The following BFSP1 variants were observed in gnomAD, a reference collection of about 807,000 sequenced individuals.
BFSP1 encodes the protein filensin.
Under a neutral mutation model 43.9 loss-of-function variants are expected in BFSP1, and 38 were observed. The observed-to-expected ratio is 0.87, with a 90% CI of 0.67 to 1.14. The LOEUF is 1.14. Ranked by LOEUF, BFSP1 falls within the 50% of genes most tolerant of loss-of-function variation. The pLI, the probability that BFSP1 is intolerant of heterozygous loss-of-function variation, is 0.00. For missense variants in BFSP1, 850 were observed against 875.1 expected (o/e 0.97, Z 0.36); for synonymous variants, 352 against 354.8 (o/e 0.99, Z 0.09).
At chr20:17,498,551 T>C (rs2033711330) in intron 6 of BFSP1, among the ~76,000 whole-genome samples, 1 of 152,206 alleles carries the variant, frequency 6.6e-6, no homozygotes, top group South Asian at 2.1e-4. Flanking sequence ...TGAGGCCTTT[T>C]CTGACCACCC....
chr20:17,552,209 G>C (rs1255158357), intron 1 of BFSP1, among the ~76,000 whole-genome samples: 2 of 152,192 alleles, frequency 1.3e-5, no homozygotes, highest in African/African-American at 4.8e-5. Flanking sequence ...CACTGAGGAG[G>C]TTACATCTGA....
At chr20:17,550,525 C>T (rs979561529) in intron 1 of BFSP1, among the ~76,000 whole-genome samples, 2 of 145,458 alleles carry the variant, frequency 1.4e-5, no homozygotes, top group Non-Finnish European at 3.0e-5. Context: ...AGGGCAATGG[C>T]GTGATCTCAG....
intron 1 of BFSP1, chr20:17,565,595 T>C (rs2035109709): frequency 6.6e-6 from 1 of 152,178 alleles, no homozygotes; most frequent in Non-Finnish European, 1.5e-5. Flanking sequence ...ATAACCAACA[T>C]AAAACCATTA....
intron 1 of BFSP1, among the ~76,000 whole-genome samples, chr20:17,553,796 C>T (rs2023356): frequency 0.76 from 61,878 of 81,404 alleles, 21,454 homozygotes; most frequent in Non-Finnish European, 0.8. Flanking sequence ...TATATATATA[C>T]ACACACACAC....
intron 5 of BFSP1, among the ~76,000 whole-genome samples, chr20:17,502,275 C>T (rs1264006636): frequency 1.3e-5 from 2 of 152,172 alleles, no homozygotes; most frequent in Non-Finnish European, 2.9e-5. Context: ...GACACAGCCA[C>T]ATAACGAAAT....
At chr20:17,503,791 C>T (rs2033863186) in intron 5 of BFSP1, among the ~76,000 whole-genome samples, 1 of 152,230 alleles carries the variant, frequency 6.6e-6, no homozygotes. Context: ...CATTCCCACA[C>T]AGCAACAGGC....
upstream of BFSP1, among the ~76,000 whole-genome samples, chr20:17,533,719 G>GGA (rs2034585536): frequency 6.6e-6 from 1 of 152,218 alleles, no homozygotes; most frequent in African/African-American, 2.4e-5. Context: ...ATCCCATCAT[G>GGA]CTGGAGTGGA....
In BFSP1 at chr20:17,494,221, C is replaced by G; in HGVS notation, c.1851G>C (p.Leu617Phe). The G allele has an allele frequency of 6.2e-7, 1 of 1,614,154 alleles. No individual in the cohort carries two copies. Among genetic ancestry groups the G allele is most frequent in the Admixed American group, 1.7e-5 (1 of 60,022 alleles). Residue 617 changes from leucine to phenylalanine, a missense_variant, in exon 8 of 8, where the codon TTG becomes TTC. Transcript: ENST00000377873. ...SLPEKGPPKA[L>F]AYKTVEVVES... ...CCACCACTTCCACTGTCTTATAGGCCAAAGCCTTGGGAGGGCCTTTTTCTG... is the reference window on the plus strand; with the variant it reads ...CCACCACTTCCACTGTCTTATAGGCGAAAGCCTTGGGAGGGCCTTTTTCTG...
chr20:17,507,430 C>T lies in BFSP1; in HGVS notation c.735+1459G>A, dbSNP rs574116690. Among the ~76,000 whole-genome samples, 1 of 152,208 alleles carries T rather than the reference C, an allele frequency of 6.6e-6. No individual in the cohort carries two copies. Among genetic ancestry groups the T allele is most frequent in the South Asian group, 2.1e-4 (1 of 4,816 alleles). ...TTTTAGTCTAGCATTTTGTTGACTT[C>T]CTTTTACATGCCAGTCAATTCTACT... On this transcript the variant is annotated intron_variant, in intron 5 of 7. Coordinates refer to ENST00000377873, the MANE Select transcript of BFSP1 (RefSeq NM_001195.5). This position sits in a 1 kb window ranked among gnomAD's most constrained non-coding sequence, Gnocchi z 4.4.
chr20:17,544,336 A>G (rs1037595230), intron 1 of BFSP1, among the ~76,000 whole-genome samples: 21 of 152,204 alleles, frequency 1.4e-4, no homozygotes, highest in Admixed American at 2.6e-4. Flanking sequence ...CCAACTCCCA[A>G]TTGTGCAGCA....
intron 1 of BFSP1, among the ~76,000 whole-genome samples, chr20:17,553,881 A>C (rs2034947600): frequency 7.5e-6 from 1 of 133,110 alleles, no homozygotes; most frequent in Non-Finnish European, 1.6e-5. Context: ...ACATATATAT[A>C]TATACACACA....
chr20:17,494,430 G>A lies in BFSP1; in HGVS notation c.1642C>T (p.Pro548Ser). 4 of 1,614,152 alleles carry A rather than the reference G, an allele frequency of 2.5e-6. No homozygotes were observed. The highest frequency in any genetic ancestry group is 3.4e-6 in the Non-Finnish European group (4 of 1,180,032). Residue 548 changes from proline (P) to serine (S), a missense_variant, in exon 8 of 8, where the codon CCA becomes TCA. By Grantham distance (74) the Pro-to-Ser change is moderately conservative. Transcript: ENST00000377873. ...GGGCCTTCCAGCTCTGCACCATCTG[G>A]CTCAATCTCCTTGTCTATAGGCTGC... is the stretch of plus-strand genomic sequence containing the variant. ...DQQPIDKEIE[P>S]DGAELEGPEE...
chr20:17,558,119 T>TGG (rs34263570), intron 1 of BFSP1, among the ~76,000 whole-genome samples: 20 of 148,596 alleles, frequency 1.3e-4, no homozygotes, highest in African/African-American at 4.2e-4. Context: ...CACACAAAGA[T>TGG]GGGGGGGGGT....
intron 4 of BFSP1, among the ~76,000 whole-genome samples, chr20:17,509,718 C>T (rs907226334): frequency 1.4e-4 from 22 of 152,306 alleles, no homozygotes; most frequent in Middle Eastern, 3.4e-3. Flanking sequence ...GATGTCAGCG[C>T]AGCACAAAGC....
intron 1 of BFSP1, among the ~76,000 whole-genome samples, chr20:17,551,702 G>C (rs894728450): frequency 2.0e-5 from 3 of 152,180 alleles, no homozygotes; most frequent in Admixed American, 2.0e-4. Flanking sequence ...ATAAAATAAG[G>C]CTGGGTGTGA....
At chr20:17,552,162 A>G (rs144384428) in intron 1 of BFSP1, among the ~76,000 whole-genome samples, 64 of 152,298 alleles carry the variant, frequency 4.2e-4, no homozygotes, top group African/African-American at 1.4e-3. Flanking sequence ...ATGGTGGGGC[A>G]TCTGGTAATT....
At chr20:17,501,530 TGGGTGACAGAGCACC>T (rs1233479700) in intron 5 of BFSP1, among the ~76,000 whole-genome samples, 5,319 of 81,124 alleles carry the variant, frequency 0.066, 346 homozygotes, top group African/African-American at 0.21. Flanking sequence ...CACCCCAGAC[TGGGTGACAGAGCACC>T]CCAGACTGGG....
chr20:17,564,175 C>A (rs2035094444), intron 1 of BFSP1, among the ~76,000 whole-genome samples: 1 of 151,772 alleles, frequency 6.6e-6, no homozygotes, highest in Non-Finnish European at 1.5e-5. Context: ...TTTACATACA[C>A]AGACACACAC....
intron 2 of BFSP1, among the ~76,000 whole-genome samples, chr20:17,519,207 T>C (rs1264412300): frequency 6.6e-6 from 1 of 152,186 alleles, no homozygotes; most frequent in Non-Finnish European, 1.5e-5. Flanking sequence ...TGTTATTATT[T>C]ATAAGGAATC....
Sources: gnomAD v4.1 joint callset for allele counts (sites outside exome capture counted in the v4.1 genomes callset) on GRCh38, gnomAD v4.1.1 for gene constraint, Gnocchi (gnomAD v3.1) non-coding constraint, MANE v1.5 for transcripts, NCBI Gene and HGNC (gene_info 2026-07-23, HGNC 2026-07-21) for gene names.